Variants in IPO11 observed in about 807,000 individuals in gnomAD.
IPO11 encodes the protein importin 11.
A neutral mutation model predicts 143.2 loss-of-function variants in IPO11; 66 were observed. That is an observed-to-expected ratio of 0.46 (90% CI 0.38 to 0.57). The LOEUF (loss-of-function observed/expected upper bound fraction) is 0.57. Ranked by LOEUF, IPO11 falls within the 20% of genes least tolerant of loss-of-function variation. The pLI, the probability that IPO11 is intolerant of heterozygous loss-of-function variation, is 0.00. For missense variants in IPO11, 1,026 were observed against 1,141.0 expected, an observed-to-expected ratio of 0.90 and a Z score of 1.45; for synonymous variants, 385 against 377.8, an observed-to-expected ratio of 1.02 and a Z score of -0.22.
chr5:62,438,725 C>G lies in IPO11; in HGVS notation c.138+1308C>G, dbSNP rs7707052. ...TGAGATCGTGCCATTGTACTCCAGT[C>G]TGGGCAACAAGAACGAAACTCCATC... On this transcript the variant is annotated intron_variant, in intron 2 of 29. Transcript: ENST00000325324. Among the ~76,000 whole-genome samples the G allele has an allele frequency of 7.3e-5, 11 of 149,840 alleles. No individual in the cohort carries two copies. The South Asian group carries it at 2.3e-3, about 31-fold the overall frequency.
At chr5:62,419,491 A>G (rs1315698454) in intron 1 of IPO11, among the ~76,000 whole-genome samples, 1 of 152,220 alleles carries the variant, frequency 6.6e-6, no homozygotes, top group Admixed American at 6.5e-5. Flanking sequence ...TAACTCAGGT[A>G]CACACAAGGT....
intron 27 of IPO11, among the ~76,000 whole-genome samples, chr5:62,584,471 G>C (rs1349012576): frequency 5.9e-5 from 9 of 151,844 alleles, no homozygotes; most frequent in African/African-American, 1.7e-4. Flanking sequence ...AATAAATCTG[G>C]GTGTGGTGGC....
chr5:62,495,540 T>A (rs946599238), intron 16 of IPO11, among the ~76,000 whole-genome samples: 1 of 152,180 alleles, frequency 6.6e-6, no homozygotes, highest in Admixed American at 6.5e-5. Context: ...AGTGATACTA[T>A]CACGGCTCAT....
intron 1 of IPO11, among the ~76,000 whole-genome samples, chr5:62,420,919 C>G (rs146162112): frequency 6.6e-6 from 1 of 152,120 alleles, no homozygotes; most frequent in Non-Finnish European, 1.5e-5. Context: ...ATAGAATACA[C>G]AAAATATATA....
At chr5:62,471,708 T>A (rs1414742340) in intron 7 of IPO11, among the ~76,000 whole-genome samples, 1 of 152,222 alleles carries the variant, frequency 6.6e-6, no homozygotes, top group Non-Finnish European at 1.5e-5. Context: ...ATTTTTAAAA[T>A]GATTGTATGG....
At chr5:62,592,889 TG>T (rs1484216292) in intron 28 of IPO11, among the ~76,000 whole-genome samples, 1 of 152,112 alleles carries the variant, frequency 6.6e-6, no homozygotes. Context: ...ATGGGGATTA[TG>T]GGAATTCAAT....
At chr5:62,619,639 G>A (rs1468819212) in intron 29 of IPO11, among the ~76,000 whole-genome samples, 1 of 152,054 alleles carries the variant, frequency 6.6e-6, no homozygotes, top group East Asian at 1.9e-4. Context: ...GGATCACGAG[G>A]TCAGGAGCTC....
At chr5:62,423,626 T>G (rs1743594699) in intron 1 of IPO11, among the ~76,000 whole-genome samples, 1 of 152,202 alleles carries the variant, frequency 6.6e-6, no homozygotes, top group African/African-American at 2.4e-5. Context: ...AACCCCCATC[T>G]AGCCATCATC....
intron 26 of IPO11, among the ~76,000 whole-genome samples, chr5:62,558,548 T>A (rs1475881880): frequency 1.3e-5 from 2 of 152,182 alleles, no homozygotes; most frequent in African/African-American, 4.8e-5. Context: ...TTTATCAGAA[T>A]GTCAGTTATT....
intron 2 of IPO11, 43 bp downstream of exon 2, chr5:62,437,460 G>A (rs903147506): frequency 2.6e-6 from 4 of 1,538,526 alleles, no homozygotes; most frequent in Admixed American, 1.9e-5. Flanking sequence ...TTAATAAAAT[G>A]AGACAACATT....
intron 8 of IPO11, among the ~76,000 whole-genome samples, chr5:62,475,246 G>A (rs536863994): frequency 2.0e-5 from 3 of 152,084 alleles, no homozygotes; most frequent in Non-Finnish European, 2.9e-5. Context: ...GAGGCCAGGC[G>A]TGGTGACTCA....
chr5:62,557,466 G>A (rs1309791064), intron 26 of IPO11, among the ~76,000 whole-genome samples: 3 of 152,022 alleles, frequency 2.0e-5, no homozygotes, highest in Non-Finnish European at 4.4e-5. Flanking sequence ...TACAGGCATG[G>A]GCCACCATGC....
In IPO11 at chr5:62,470,215, A is replaced by T. The variant is rs748048376; in HGVS notation, c.650-35A>T. On this transcript the variant is annotated intron_variant, in intron 6 of 29. Coordinates refer to ENST00000325324, the MANE Select transcript of IPO11 (RefSeq NM_016338.5). The stretch of plus-strand genomic sequence containing the variant: ...GTGATTGTAATTTTAGTAGGATAAA[A>T]TAAGATTCAAGTAAAGCTTGCTTTT... 5 of 1,588,690 alleles carry T rather than the reference A, an allele frequency of 3.1e-6. No homozygotes were observed. In the African/African-American group the frequency reaches 4.0e-5, roughly 13 times the overall value.
At chr5:62,582,124 A>C (rs557585014) in intron 27 of IPO11, among the ~76,000 whole-genome samples, 1 of 152,340 alleles carries the variant, frequency 6.6e-6, no homozygotes, top group African/African-American at 2.4e-5. Flanking sequence ...GAGCCATTGA[A>C]GGATTTTTAA....
chr5:62,469,376 T>C (rs1268782452), intron 6 of IPO11, among the ~76,000 whole-genome samples: 2 of 152,218 alleles, frequency 1.3e-5, no homozygotes, highest in East Asian at 3.8e-4. Context: ...ATACATTGCT[T>C]TAGACTTACA....
At chr5:62,452,764 G>A (rs541352606) in intron 5 of IPO11, among the ~76,000 whole-genome samples, 4 of 132,168 alleles carry the variant, frequency 3.0e-5, no homozygotes, top group Admixed American at 7.9e-5. Context: ...GTGTGTGCAC[G>A]CATTTTGAGA....
chr5:62,581,529 C>A, intron 27 of IPO11: 1 of 425,398 alleles, frequency 2.4e-6, no homozygotes, highest in Non-Finnish European at 4.2e-6. Context: ...TTCTGTGTAT[C>A]AAGCACTGTG....
At chr5:62,543,786 A>C (rs1291843756) in intron 24 of IPO11, among the ~76,000 whole-genome samples, 1 of 151,926 alleles carries the variant, frequency 6.6e-6, no homozygotes, top group African/African-American at 2.4e-5. Flanking sequence ...TTAGGGTGTC[A>C]ATTTTAGATC....
chr5:62,474,487 T>G, intron 8 of IPO11, 23 bp downstream of exon 8: 1 of 1,537,102 alleles, frequency 6.5e-7, no homozygotes. Flanking sequence ...GTTGCAGTCC[T>G]TTTTACTGTA....
Sources: gnomAD v4.1 joint callset for allele counts (sites outside exome capture counted in the v4.1 genomes callset) on GRCh38, gnomAD v4.1.1 for gene constraint, MANE v1.5 for transcripts, NCBI Gene and HGNC (gene_info 2026-07-23, HGNC 2026-07-21) for gene names.